Variants in ETV6 observed in about 807,000 individuals in gnomAD.
ETV6 encodes the protein ETS variant transcription factor 6.
In ETV6, 16 loss-of-function variants were observed where a neutral mutation model predicts 51.1. The ratio of observed to expected loss-of-function variants is 0.31; its 90% CI spans 0.21 to 0.48. ETV6 has a LOEUF of 0.48. ETV6 is among the 20% of genes least tolerant of loss of function. ETV6 has a pLI of 0.99. For missense variants in ETV6, 458 were observed against 594.8 expected, an observed-to-expected ratio of 0.77 and a Z score of 2.39; for synonymous variants, 240 against 224.1, an observed-to-expected ratio of 1.07 and a Z score of -0.64.
rs192233797 is a variant in ETV6 at position 11,830,115 on chromosome 12, T to A, written c.164-9025T>A. On this transcript the variant is annotated intron_variant, in intron 2 of 7. Transcript: ENST00000396373. ...GGGCTCTGAGGACACTTGGTTTTCT[T>A]TTGAAGGGCAGAGTACACAGGGAAG... Among the ~76,000 whole-genome samples, 801 of 152,224 alleles carry A rather than the reference T, an allele frequency of 5.3e-3. 7 individuals carry two copies. The highest frequency in any genetic ancestry group is 0.014 in the Admixed American group (217 of 15,272).
chr12:11,884,059 C>G (rs1256857675), intron 5 of ETV6, among the ~76,000 whole-genome samples: 1 of 152,236 alleles, frequency 6.6e-6, no homozygotes, highest in Non-Finnish European at 1.5e-5. Flanking sequence ...CCTCTTTCCA[C>G]CCTTTTTTCC....
At chr12:11,886,606 T>A (rs1195975204) in intron 7 of ETV6, among the ~76,000 whole-genome samples, 1 of 152,226 alleles carries the variant, frequency 6.6e-6, no homozygotes, top group Non-Finnish European at 1.5e-5. Flanking sequence ...ATGTAAAATG[T>A]ATTTCTTATA....
chr12:11,737,278 G>T (rs1227514700), intron 1 of ETV6, among the ~76,000 whole-genome samples: 2 of 152,202 alleles, frequency 1.3e-5, no homozygotes, highest in Non-Finnish European at 2.9e-5. Flanking sequence ...GTCCTGAATA[G>T]GGGCACCTGC....
At chr12:11,798,996 G>A (rs1369931304) in intron 2 of ETV6, among the ~76,000 whole-genome samples, 1 of 152,188 alleles carries the variant, frequency 6.6e-6, no homozygotes, top group East Asian at 1.9e-4. Flanking sequence ...AGTGATAAAC[G>A]CTGAGAGGAA....
chr12:11,771,730 T>C (rs572460951), intron 2 of ETV6, among the ~76,000 whole-genome samples: 1 of 152,370 alleles, frequency 6.6e-6, no homozygotes, highest in African/African-American at 2.4e-5. Flanking sequence ...CACCATGTCC[T>C]ATTTAACCAC....
At chr12:11,793,898 TCCC>T (rs1945640343) in intron 2 of ETV6, among the ~76,000 whole-genome samples, 5 of 152,174 alleles carry the variant, frequency 3.3e-5, no homozygotes, top group Admixed American at 3.3e-4. Flanking sequence ...TTTATTTTCC[TCCC>T]CCTTTTTCTT....
At chr12:11,650,493 A>AC (rs1565472682) in intron 1 of ETV6, among the ~76,000 whole-genome samples, 7 of 65,768 alleles carry the variant, frequency 1.1e-4, no homozygotes, top group Non-Finnish European at 2.0e-4. Context: ...AAAAAAAAAA[A>AC]AACAAAAAAC....
intron 2 of ETV6, among the ~76,000 whole-genome samples, chr12:11,794,959 G>A (rs1028401868): frequency 2.0e-5 from 3 of 152,166 alleles, no homozygotes; most frequent in African/African-American, 7.2e-5. Context: ...TTTTGTGACC[G>A]TTGAACTGAC....
At chr12:11,809,393 A>G (rs188785303) in intron 2 of ETV6, among the ~76,000 whole-genome samples, 167 of 152,308 alleles carry the variant, frequency 1.1e-3, no homozygotes, top group African/African-American at 3.6e-3. Flanking sequence ...TTCAAGATCT[A>G]TTTAGCCATA....
Position 11,893,794 on chromosome 12 carries a change from TTATATATATATATATATATATATA to T in ETV6, c.*2773_*2796del, listed in dbSNP as rs57308697. On this transcript the variant is annotated 3_prime_UTR_variant, in exon 8 of 8. Coordinates refer to ENST00000396373, the MANE Select transcript of ETV6 (RefSeq NM_001987.5). ...GTGTCCATCCCCAAGATCTCTCATT[TTATATATATATATATATATATATA>T]TATATATATATATATATATATATAC... is the stretch of plus-strand genomic sequence containing the variant. The T allele has an allele frequency of 0.022, 1,731 of 79,500 alleles. 123 individuals are homozygous for T. Among genetic ancestry groups the T allele is most frequent in the African/African-American group, 0.087 (1,495 of 17,196 alleles). The allele number at this position is 79,500 out of a possible 1,614,324, so 4.9% of individuals were successfully genotyped here.
intron 2 of ETV6, among the ~76,000 whole-genome samples, chr12:11,835,627 T>G (rs1946305814): frequency 6.6e-6 from 1 of 152,216 alleles, no homozygotes. Context: ...CTCCCTCCTC[T>G]TCCCATTTAT....
intron 7 of ETV6, among the ~76,000 whole-genome samples, chr12:11,887,846 C>G (rs1171954038): frequency 6.6e-6 from 1 of 152,106 alleles, no homozygotes; most frequent in Non-Finnish European, 1.5e-5. Context: ...AACTTTGAAA[C>G]TACAGTTCCC....
chr12:11,728,469 GAC>G (rs1480564394), intron 1 of ETV6, among the ~76,000 whole-genome samples: 1 of 136,924 alleles, frequency 7.3e-6, no homozygotes, highest in Non-Finnish European at 1.7e-5. Context: ...TGTTGTGAAT[GAC>G]ACATGTGAGG....
intron 2 of ETV6, among the ~76,000 whole-genome samples, chr12:11,811,885 TCCTGCTA>T (rs2136420650): frequency 6.6e-6 from 1 of 152,246 alleles, no homozygotes; most frequent in African/African-American, 2.4e-5. Flanking sequence ...CCTGTGCTGG[TCCTGCTA>T]TTTTATGACA....
chr12:11,680,959 A>G (rs1864517186), intron 1 of ETV6, among the ~76,000 whole-genome samples: 1 of 152,202 alleles, frequency 6.6e-6, no homozygotes, highest in African/African-American at 2.4e-5. Flanking sequence ...AGACAAGGAA[A>G]ATGTTGCACC....
chr12:11,852,726 G>T (rs865847595), intron 3 of ETV6, among the ~76,000 whole-genome samples: 18 of 152,206 alleles, frequency 1.2e-4, no homozygotes, highest in African/African-American at 4.1e-4. Context: ...GTTCAGTAAT[G>T]TGGGAAAATG....
In ETV6 at chr12:11,811,425, C is replaced by T. The variant is rs73275255; in HGVS notation, c.164-27715C>T. On this transcript the variant is annotated intron_variant, in intron 2 of 7. Coordinates refer to ENST00000396373, the MANE Select transcript of ETV6 (RefSeq NM_001987.5). ...ATTTCCAGAAAGGACTCGCTGCCTT[C>T]GAAACACTTCCCAGCCCTTCCTTGG... Among the ~76,000 whole-genome samples the T allele has an allele frequency of 2.6e-3, 401 of 152,258 alleles. 7 individuals are homozygous for T. Among genetic ancestry groups the T allele is most frequent in the African/African-American group, 9.2e-3 (383 of 41,542 alleles).
chr12:11,684,261 A>G (rs1256897508), intron 1 of ETV6, among the ~76,000 whole-genome samples: 1 of 152,280 alleles, frequency 6.6e-6, no homozygotes, highest in African/African-American at 2.4e-5. Context: ...CAGTGCCTCT[A>G]ACAATCCGCT....
chr12:11,727,815 T>G (rs990650436), intron 1 of ETV6, among the ~76,000 whole-genome samples: 1 of 152,076 alleles, frequency 6.6e-6, no homozygotes, highest in African/African-American at 2.4e-5. Flanking sequence ...TTTAAATTTT[T>G]TTTTATTTTT....
Sources: allele counts gnomAD v4.1 joint callset (sites outside exome capture counted in the v4.1 genomes callset), GRCh38; gene constraint gnomAD v4.1.1; transcripts MANE v1.5; gene names NCBI Gene and HGNC (gene_info 2026-07-23, HGNC 2026-07-21).